Variants in MYO9B observed in about 807,000 individuals in gnomAD.
MYO9B encodes unconventional myosin-IXb.
MYO9B carries 71 observed loss-of-function variants against 229.5 expected under a neutral mutation model. The ratio of observed to expected loss-of-function variants is 0.31; its 90% CI spans 0.26 to 0.38. MYO9B has a LOEUF of 0.38. Ranked by LOEUF, MYO9B falls within the 10% of genes least tolerant of loss-of-function variation. MYO9B has a pLI of 1.00. For synonymous variants in MYO9B, 1,185 were observed against 1,235.8 expected (o/e 0.96, Z 0.86); for missense variants, 2,255 against 2,920.5 (o/e 0.77, Z 5.25).
chr19:17,152,537 T>G lies in MYO9B; in HGVS notation c.936-107T>G, dbSNP rs555742114. On this transcript the variant is annotated intron_variant, in intron 3 of 39. Coordinates refer to ENST00000682292, the MANE Select transcript of MYO9B (RefSeq NM_004145.4). ...GAGATTGTGCCGTTGTACTCCAGCC[T>G]GAACAACAGAGCGAGACTCCCATCT... 4.6e-6 allele frequency: 4 copies of G among 877,582 alleles called. No individual in the cohort carries two copies. The African/African-American group carries it at 5.2e-5, about 11-fold the overall frequency. The allele number at this position is 877,582 out of a possible 1,614,324, so 54.4% of individuals were successfully genotyped here. A position where few individuals can be genotyped will look rare whatever the true frequency, so the allele number is the denominator to read the frequency against.
At chr19:17,118,028 A>G (rs986760983) in intron 2 of MYO9B, among the ~76,000 whole-genome samples, 9 of 151,530 alleles carry the variant, frequency 5.9e-5, no homozygotes, top group Non-Finnish European at 1.2e-4. Flanking sequence ...TGATTCTGCC[A>G]TCGGTTGATG....
chr19:17,192,778 G>T lies in MYO9B; in HGVS notation c.2844G>T (p.Leu948=). The change falls in exon 21 of 40, where the codon CTG becomes CTT. Residue 948 remains leucine, a synonymous_variant. Transcript: ENST00000682292. ...TGAAGGAGACGGAGCGGCAAGCCCT[G>T]CAGGAGACGCTGCACCGGGAGGTGG... is the stretch of plus-strand genomic sequence containing the variant. ...VFLKETERQA[L]QETLHREVVR... is the part of the protein sequence containing the mutation. 6.4e-7 allele frequency: 1 copy of T among 1,557,890 alleles called. No homozygotes were observed. The highest frequency in any genetic ancestry group is 8.7e-7 in the Non-Finnish European group (1 of 1,151,534).
At chr19:17,158,216 C>T (rs1041687437) in intron 7 of MYO9B, among the ~76,000 whole-genome samples, 18 of 152,190 alleles carry the variant, frequency 1.2e-4, no homozygotes, top group African/African-American at 4.3e-4. Context: ...ATTATTGGTA[C>T]AGGAGCCCCA....
At chr19:17,100,816 G>A (rs981895383) in intron 1 of MYO9B, among the ~76,000 whole-genome samples, 9 of 152,138 alleles carry the variant, frequency 5.9e-5, no homozygotes, top group South Asian at 4.2e-4. Flanking sequence ...CATTTTTCGT[G>A]GCTCTCCCGG....
At chr19:17,149,342 T>C (rs2072451853) in intron 3 of MYO9B, among the ~76,000 whole-genome samples, 2 of 152,214 alleles carry the variant, frequency 1.3e-5, no homozygotes, top group South Asian at 2.1e-4. Flanking sequence ...GGCCCACCAT[T>C]GGACCAGACA....
intron 2 of MYO9B, among the ~76,000 whole-genome samples, chr19:17,127,412 C>T (rs1374643737): frequency 2.9e-4 from 41 of 143,360 alleles, no homozygotes; most frequent in Middle Eastern, 4.3e-3. Flanking sequence ...CTGCAACCTT[C>T]GCCTCCCAGG....
At chr19:17,126,254 G>A (rs1011981734) in intron 2 of MYO9B, among the ~76,000 whole-genome samples, 39 of 152,126 alleles carry the variant, frequency 2.6e-4, no homozygotes, top group Non-Finnish European at 4.3e-4. Flanking sequence ...CCCTCCTTGG[G>A]CACGTGACCC....
At chr19:17,133,846 C>T (rs907939069) in intron 2 of MYO9B, among the ~76,000 whole-genome samples, 8 of 152,000 alleles carry the variant, frequency 5.3e-5, no homozygotes, top group South Asian at 2.1e-4. Context: ...CTGCAAGCTC[C>T]GCCTCCCAGG....
chr19:17,095,730 A>G (rs576869449), intron 1 of MYO9B: 2 of 152,326 alleles, frequency 1.3e-5, no homozygotes, highest in South Asian at 2.1e-4. Flanking sequence ...CAGAATTGCT[A>G]CGTCTGTATG....
intron 13 of MYO9B, 53 bp from the exon 14 acceptor site, chr19:17,175,610 G>A (rs1329484189): frequency 1.5e-6 from 2 of 1,315,064 alleles, no homozygotes; most frequent in African/African-American, 1.5e-5. Flanking sequence ...TAAAATAATT[G>A]CAGCCTCCAT....
Position 17,172,494 on chromosome 19 carries a change from CA to C in MYO9B, c.1935+18del. The stretch of plus-strand genomic sequence containing the variant: ...CAGATCAAGGTAGGTGTCTGCCCAT[CA>C]CCACTGGTGGAAGCCTGAGGGAAGC... On this transcript the variant is annotated intron_variant, in intron 12 of 39. Transcript: ENST00000682292. This position sits in a 1 kb window ranked among gnomAD's most constrained non-coding sequence, Gnocchi z 8.2. The C allele has an allele frequency of 6.2e-7, 1 of 1,611,926 alleles. No individual in the cohort carries two copies. The highest frequency in any genetic ancestry group is 8.5e-7 in the Non-Finnish European group (1 of 1,179,062).
intron 37 of MYO9B, 78 bp downstream of exon 37, chr19:17,210,458 C>A: frequency 6.8e-7 from 1 of 1,459,920 alleles, no homozygotes; most frequent in East Asian, 2.5e-5. Flanking sequence ...GCCCTGGGCC[C>A]CTCGTAGGAT....
chr19:17,106,958 G>C (rs1568664759), intron 2 of MYO9B, among the ~76,000 whole-genome samples: 1 of 152,232 alleles, frequency 6.6e-6, no homozygotes, highest in Non-Finnish European at 1.5e-5. Flanking sequence ...AGGTACTTCG[G>C]AGGCTGAGGC....
chr19:17,133,420 C>T (rs1160610058), intron 2 of MYO9B, among the ~76,000 whole-genome samples: 1 of 152,060 alleles, frequency 6.6e-6, no homozygotes, highest in Non-Finnish European at 1.5e-5. Context: ...AGCATCTCCC[C>T]AACCCTGCCG....
chr19:17,107,356 T>C (rs1196090314), intron 2 of MYO9B, among the ~76,000 whole-genome samples: 2 of 152,216 alleles, frequency 1.3e-5, no homozygotes, highest in African/African-American at 2.4e-5. Flanking sequence ...CCCGCAGAAA[T>C]GACACGCCCA....
At chr19:17,089,271 T>TA (rs111698994) in intron 1 of MYO9B, among the ~76,000 whole-genome samples, 300 of 140,594 alleles carry the variant, frequency 2.1e-3, no homozygotes, top group African/African-American at 5.5e-3. Flanking sequence ...GCGTTTCTTC[T>TA]AAAAAAAAAA....
At chr19:17,206,225 G>GTGGCCCCCCCC in intron 32 of MYO9B, 23 bp from the exon 33 acceptor site, 39 of 1,564,616 alleles carry the variant, frequency 2.5e-5, no homozygotes, top group Middle Eastern at 1.9e-4. Context: ...CCGCTCACCA[G>GTGGCCCCCCCC]ACCCACCCCA....
chr19:17,101,751 C>G lies in MYO9B; in HGVS notation c.34C>G (p.Arg12Gly), dbSNP rs754792692. 4 of 1,592,924 alleles carry G rather than the reference C, an allele frequency of 2.5e-6. No individual in the cohort carries two copies. The highest frequency in any genetic ancestry group is 3.4e-6 in the Non-Finnish European group (4 of 1,175,110). The change falls in exon 2 of 40, where the codon CGG (arginine) becomes GGG (glycine). Residue 12 changes from arginine (R) to glycine (G), a missense_variant. Arg to Gly is a moderately radical substitution (Grantham distance 125). Around this residue, in one of 7 missense-constraint regions of MYO9B, gnomAD observed 386 missense variants for 515.2 expected, o/e 0.75. Coordinates refer to ENST00000682292, the MANE Select transcript of MYO9B (RefSeq NM_004145.4). The surrounding 1 kb of genome is among the most constrained non-coding windows in gnomAD (Gnocchi z 4.7). ...SVKEAGSSGR[R>G]EQAAYHLHIY... ...GAAAGAGGCAGGCAGCTCGGGCCGC[C>G]GGGAGCAGGCGGCCTACCACCTGCA...
intron 10 of MYO9B, among the ~76,000 whole-genome samples, chr19:17,165,568 C>T (rs1169285671): frequency 6.6e-6 from 1 of 151,476 alleles, no homozygotes; most frequent in African/African-American, 2.4e-5. Context: ...GAGTAAGACC[C>T]TGTCTCTAAA....
Sources: gnomAD v4.1 joint callset for allele counts (sites outside exome capture counted in the v4.1 genomes callset) on GRCh38, gnomAD v4.1.1 for gene constraint, gnomAD v4.1.1 regional missense constraint, Gnocchi (gnomAD v3.1) non-coding constraint, MANE v1.5 for transcripts, NCBI Gene and HGNC (gene_info 2026-07-23, HGNC 2026-07-21) for gene names.